The following AFF3 variants were observed in gnomAD, a reference collection of about 807,000 sequenced individuals.
The protein encoded by AFF3 is ALF transcription elongation factor 3, also known as AF4/FMR2 family member 3.
Under a neutral mutation model 129.7 loss-of-function variants are expected in AFF3, and 32 were observed. The observed-to-expected ratio is 0.25, with a 90% CI of 0.19 to 0.33. The LOEUF is 0.33. Among genes scored for constraint, AFF3 ranks in the 10% least tolerant of loss-of-function variants. The pLI is 1.00. For synonymous variants in AFF3, 644 were observed against 635.4 expected (o/e 1.01, Z -0.20); for missense variants, 1,373 against 1,592.0 (o/e 0.86, Z 2.34).
chr2:99,580,545 T>C (rs966469301), intron 17 of AFF3, among the ~76,000 whole-genome samples: 2 of 152,200 alleles, frequency 1.3e-5, no homozygotes, highest in South Asian at 4.1e-4. Context: ...CCAAACATCC[T>C]ACGTTGCACA....
intron 7 of AFF3, among the ~76,000 whole-genome samples, chr2:99,953,351 G>A (rs1676342229): frequency 6.6e-6 from 1 of 152,174 alleles, no homozygotes; most frequent in Non-Finnish European, 1.5e-5. Flanking sequence ...TCTTTGGAAT[G>A]AGTATGGCAT....
chr2:99,934,661 C>T (rs370638952), intron 7 of AFF3, among the ~76,000 whole-genome samples: 1 of 152,144 alleles, frequency 6.6e-6, no homozygotes, highest in African/African-American at 2.4e-5. Context: ...GGGGAAGAAC[C>T]CTGCCCCCTC....
At chr2:99,923,371 T>G (rs1422177112) in intron 7 of AFF3, among the ~76,000 whole-genome samples, 3 of 152,228 alleles carry the variant, frequency 2.0e-5, no homozygotes, top group South Asian at 2.1e-4. Flanking sequence ...TTCTACATAT[T>G]AGCTTTTGAT....
intron 11 of AFF3, among the ~76,000 whole-genome samples, chr2:99,676,649 G>A (rs1245855334): frequency 2.6e-5 from 4 of 152,308 alleles, no homozygotes; most frequent in Admixed American, 1.3e-4. Context: ...AGAAACTCAT[G>A]TGGATAAACA....
chr2:100,119,438 G>T (rs1383210405), intron 2 of AFF3, among the ~76,000 whole-genome samples: 1 of 152,182 alleles, frequency 6.6e-6, no homozygotes, highest in African/African-American at 2.4e-5. Flanking sequence ...AGTCTTCATT[G>T]GCCTCATGCT....
At chr2:99,921,882 C>T (rs889208234) in intron 7 of AFF3, among the ~76,000 whole-genome samples, 3 of 152,092 alleles carry the variant, frequency 2.0e-5, no homozygotes, top group African/African-American at 7.2e-5. Flanking sequence ...AGCAACAACA[C>T]TATAAAAGAT....
At chr2:99,881,443 TCTA>T (rs1692710225) in intron 7 of AFF3, among the ~76,000 whole-genome samples, 2 of 152,038 alleles carry the variant, frequency 1.3e-5, no homozygotes, top group African/African-American at 4.8e-5. Flanking sequence ...AACCATTTTT[TCTA>T]CTTTTATTCT....
rs944914396 is a variant in AFF3 at position 99,678,082 on chromosome 2, C to T, written c.1092-5493G>A. 8.5e-5 allele frequency among the ~76,000 whole-genome samples: 13 copies of T among 152,234 alleles called. No individual in the cohort carries two copies. The East Asian group carries it at 2.5e-3, about 29-fold the overall frequency. ...ACTGTCTCCCAGGGGTGGTTCCCCT[C>T]ACACACGACATTCAAATCAGCATTG... is the stretch of plus-strand genomic sequence containing the variant. On this transcript the variant is annotated intron_variant, in intron 11 of 24. Transcript: ENST00000672756.
At chr2:99,822,178 T>C (rs915065380) in intron 8 of AFF3, among the ~76,000 whole-genome samples, 1 of 152,182 alleles carries the variant, frequency 6.6e-6, no homozygotes, top group African/African-American at 2.4e-5. Flanking sequence ...CACAAGACGC[T>C]TCATATCCCT....
chr2:99,839,478 T>C (rs568381570), intron 7 of AFF3, among the ~76,000 whole-genome samples: 14 of 152,322 alleles, frequency 9.2e-5, no homozygotes, highest in Middle Eastern at 3.4e-3. Flanking sequence ...ATTCCCACCA[T>C]CAATGCATGA....
chr2:99,838,425 C>T (rs768674894), intron 7 of AFF3, among the ~76,000 whole-genome samples: 4 of 152,348 alleles, frequency 2.6e-5, no homozygotes, highest in Middle Eastern at 3.4e-3. Context: ...TCACTGTTCT[C>T]TCTCTACCAA....
At chr2:99,693,921 A>C (rs1003174736) in intron 11 of AFF3, among the ~76,000 whole-genome samples, 2 of 150,528 alleles carry the variant, frequency 1.3e-5, no homozygotes, top group African/African-American at 2.5e-5. Flanking sequence ...ATTCCTTAAT[A>C]CTTTTTTTTT....
intron 14 of AFF3, among the ~76,000 whole-genome samples, chr2:99,599,560 G>A (rs1166290491): frequency 6.6e-6 from 1 of 152,118 alleles, no homozygotes; most frequent in African/African-American, 2.4e-5. Flanking sequence ...CCGGCCAACT[G>A]TACTGGTCTT....
intron 7 of AFF3, among the ~76,000 whole-genome samples, chr2:99,879,567 C>T (rs1319235237): frequency 3.3e-5 from 5 of 152,166 alleles, no homozygotes; most frequent in African/African-American, 7.2e-5. Flanking sequence ...GTTTCTCTGT[C>T]AAGATGATTT....
intron 8 of AFF3, among the ~76,000 whole-genome samples, chr2:99,790,355 A>G (rs1685111035): frequency 6.6e-6 from 1 of 152,240 alleles, no homozygotes; most frequent in African/African-American, 2.4e-5. Flanking sequence ...GGCTTTCAAC[A>G]TCTACATACA....
intron 7 of AFF3, among the ~76,000 whole-genome samples, chr2:99,949,577 G>A (rs1675946045): frequency 6.6e-6 from 1 of 151,982 alleles, no homozygotes; most frequent in Non-Finnish European, 1.5e-5. Flanking sequence ...CCCATCTGGG[G>A]TTGATGGGAG....
At chr2:99,686,589 A>T (rs1367184049) in intron 11 of AFF3, among the ~76,000 whole-genome samples, 1 of 152,252 alleles carries the variant, frequency 6.6e-6, no homozygotes, top group Non-Finnish European at 1.5e-5. Context: ...CAGGTTCCCA[A>T]GCTCTATTGA....
At chr2:99,862,686 A>G (rs967429626) in intron 7 of AFF3, among the ~76,000 whole-genome samples, 7 of 152,254 alleles carry the variant, frequency 4.6e-5, no homozygotes, top group African/African-American at 1.7e-4. Context: ...TTTTACAAAC[A>G]TAAAAGGGAC....
intron 19 of AFF3, among the ~76,000 whole-genome samples, chr2:99,567,961 C>A (rs1676128942): frequency 6.6e-6 from 1 of 152,176 alleles, no homozygotes; most frequent in African/African-American, 2.4e-5. Flanking sequence ...AAGAGCTGTA[C>A]CTTCCGCTGC....
Sources: gnomAD v4.1 joint callset for allele counts (sites outside exome capture counted in the v4.1 genomes callset) on GRCh38, gnomAD v4.1.1 for gene constraint, MANE v1.5 for transcripts, NCBI Gene and HGNC (gene_info 2026-07-23, HGNC 2026-07-21) for gene names.